Variants in FSTL5 observed in about 807,000 individuals in gnomAD.
The protein encoded by FSTL5 is follistatin-related protein 5.
Under a neutral mutation model 89.1 loss-of-function variants are expected in FSTL5, and 62 were observed. That is an observed-to-expected ratio of 0.70 (90% CI 0.57 to 0.86). FSTL5 has a LOEUF of 0.86. FSTL5 is among the 40% of genes least tolerant of loss of function. FSTL5 has a pLI of 0.00. For synonymous variants in FSTL5, 383 were observed against 346.2 expected, an observed-to-expected ratio of 1.11 and a Z score of -1.18; for missense variants, 1,057 against 1,001.6, an observed-to-expected ratio of 1.06 and a Z score of -0.75.
intron 3 of FSTL5, among the ~76,000 whole-genome samples, chr4:161,971,255 G>A (rs533830026): frequency 1.3e-5 from 2 of 152,120 alleles, no homozygotes; most frequent in East Asian, 1.9e-4. Context: ...CACACTGAAC[G>A]CTATAAAACT....
chr4:162,088,798 C>T (rs912610741), intron 2 of FSTL5, among the ~76,000 whole-genome samples: 1 of 151,988 alleles, frequency 6.6e-6, no homozygotes, highest in Non-Finnish European at 1.5e-5. Context: ...ATTTATAGTT[C>T]TCAAATGTTT....
chr4:162,039,222 AAAG>A (rs1169837598), intron 2 of FSTL5, among the ~76,000 whole-genome samples: 1 of 151,852 alleles, frequency 6.6e-6, no homozygotes, highest in Non-Finnish European at 1.5e-5. Context: ...TTATATAAAA[AAAG>A]AAGTAGAAGA....
chr4:161,460,125 A>G (rs1036312554), intron 13 of FSTL5, among the ~76,000 whole-genome samples: 1 of 152,104 alleles, frequency 6.6e-6, no homozygotes, highest in African/African-American at 2.4e-5. Context: ...ACTATGTAGC[A>G]TAAAACAAAT....
chr4:161,635,255 G>A (rs992958599), intron 7 of FSTL5, among the ~76,000 whole-genome samples: 2 of 152,040 alleles, frequency 1.3e-5, no homozygotes, highest in Non-Finnish European at 1.5e-5. Context: ...CGGGCGTGGT[G>A]GCAGGCGCCT....
intron 2 of FSTL5, among the ~76,000 whole-genome samples, chr4:162,068,718 A>T (rs1729459267): frequency 6.6e-6 from 1 of 152,184 alleles, no homozygotes. Context: ...ATTAAACTAA[A>T]GAGCTTATGT....
intron 6 of FSTL5, among the ~76,000 whole-genome samples, chr4:161,692,187 C>T (rs535057763): frequency 1.3e-5 from 2 of 151,894 alleles, no homozygotes; most frequent in South Asian, 2.1e-4. Flanking sequence ...CAATCTTTTA[C>T]CATTGAGTAT....
At chr4:161,590,935 G>A (rs879613682) in intron 7 of FSTL5, among the ~76,000 whole-genome samples, 9 of 152,162 alleles carry the variant, frequency 5.9e-5, no homozygotes, top group Non-Finnish European at 1.2e-4. Context: ...GTATGCAAAT[G>A]TGCATAGCTG....
At chr4:161,904,580 T>A (rs976483513) in intron 4 of FSTL5, among the ~76,000 whole-genome samples, 4 of 151,924 alleles carry the variant, frequency 2.6e-5, no homozygotes, top group African/African-American at 9.7e-5. Flanking sequence ...TTTTAAGACA[T>A]ATTCAGCAGG....
At chr4:161,454,205 GT>G (rs1368892499) in intron 15 of FSTL5, among the ~76,000 whole-genome samples, 4 of 152,278 alleles carry the variant, frequency 2.6e-5, no homozygotes, top group Non-Finnish European at 4.4e-5. Flanking sequence ...AGCTGGAGCA[GT>G]TTCCACACAT....
intron 7 of FSTL5, among the ~76,000 whole-genome samples, chr4:161,595,677 C>T (rs1733989434): frequency 6.6e-6 from 1 of 151,858 alleles, no homozygotes; most frequent in African/African-American, 2.4e-5. Flanking sequence ...ACTGATTAAT[C>T]AGAATGTACA....
At chr4:161,611,870 G>A (rs1734665725) in intron 7 of FSTL5, among the ~76,000 whole-genome samples, 1 of 152,218 alleles carries the variant, frequency 6.6e-6, no homozygotes, top group Non-Finnish European at 1.5e-5. Context: ...ATCCCCAAAA[G>A]GAGCGAATGA....
intron 4 of FSTL5, among the ~76,000 whole-genome samples, chr4:161,890,814 CCATAAGAAAAT>C (rs915457633): frequency 1.3e-5 from 2 of 151,474 alleles, no homozygotes; most frequent in Non-Finnish European, 2.9e-5. Context: ...TTAATGAAAA[CCATAAGAAAAT>C]CAGTTATAAA....
At chr4:162,036,088 A>G (rs1160853501) in intron 2 of FSTL5, among the ~76,000 whole-genome samples, 1 of 152,080 alleles carries the variant, frequency 6.6e-6, no homozygotes, top group Non-Finnish European at 1.5e-5. Flanking sequence ...TCTTTCTTCC[A>G]TATAGCTCAT....
At chr4:161,867,164 T>A (rs1223025784) in intron 4 of FSTL5, among the ~76,000 whole-genome samples, 1 of 152,170 alleles carries the variant, frequency 6.6e-6, no homozygotes, top group African/African-American at 2.4e-5. Context: ...TTCATACATA[T>A]ATATTTTATA....
intron 15 of FSTL5, among the ~76,000 whole-genome samples, chr4:161,429,009 GA>G (rs1732262058): frequency 6.6e-6 from 1 of 152,108 alleles, no homozygotes; most frequent in Non-Finnish European, 1.5e-5. Flanking sequence ...TGTGAAGTAA[GA>G]GTCCCAGGCC....
chr4:162,161,758 A>G (rs2110770735), intron 1 of FSTL5, among the ~76,000 whole-genome samples: 1 of 152,124 alleles, frequency 6.6e-6, no homozygotes, highest in East Asian at 1.9e-4. Flanking sequence ...AAATTAAGAT[A>G]TGTATTCATG....
chr4:161,517,007 G>A (rs925478650), intron 10 of FSTL5, among the ~76,000 whole-genome samples: 1 of 152,058 alleles, frequency 6.6e-6, no homozygotes, highest in African/African-American at 2.4e-5. Flanking sequence ...TTGTGCCTCA[G>A]CCTCCTGAAT....
At chr4:161,694,429 A>G (rs572062861) in intron 6 of FSTL5, among the ~76,000 whole-genome samples, 1 of 152,038 alleles carries the variant, frequency 6.6e-6, no homozygotes, top group East Asian at 1.9e-4. Flanking sequence ...CAGGCACTGT[A>G]TTTTGAACTA....
chr4:162,070,268 T>C (rs941716603), intron 2 of FSTL5, among the ~76,000 whole-genome samples: 7 of 151,878 alleles, frequency 4.6e-5, no homozygotes, highest in Non-Finnish European at 7.4e-5. Flanking sequence ...GATATTAATT[T>C]GTTATTAGAC....
Sources: allele counts gnomAD v4.1 joint callset (sites outside exome capture counted in the v4.1 genomes callset), GRCh38; gene constraint gnomAD v4.1.1; transcripts MANE v1.5; gene names NCBI Gene and HGNC (gene_info 2026-07-23, HGNC 2026-07-21).